GRID1: variants seen among roughly 807,000 people sequenced by gnomAD.
GRID1 encodes the protein glutamate receptor ionotropic, delta-1.
GRID1 carries 28 observed loss-of-function variants against 98.0 expected under a neutral mutation model. The ratio of observed to expected loss-of-function variants is 0.29; its 90% confidence interval spans 0.21 to 0.39. GRID1 has a LOEUF of 0.39. Among genes scored for constraint, GRID1 ranks in the 10% least tolerant of loss-of-function variants. GRID1 has a pLI of 1.00. For synonymous variants in GRID1, 553 were observed against 538.5 expected (o/e 1.03, Z -0.37); for missense variants, 1,111 against 1,340.5 (o/e 0.83, Z 2.67).
chr10:85,862,496 T>G (rs765966097), intron 6 of GRID1, among the ~76,000 whole-genome samples: 1 of 152,148 alleles, frequency 6.6e-6, no homozygotes, highest in Non-Finnish European at 1.5e-5. Flanking sequence ...TTCCCTGAGA[T>G]AGCAGGATCC....
At chr10:85,794,768 T>A (rs147311019) in intron 8 of GRID1, among the ~76,000 whole-genome samples, 1 of 152,192 alleles carries the variant, frequency 6.6e-6, no homozygotes, top group African/African-American at 2.4e-5. Context: ...GATGTGGAGA[T>A]AAGACCCTGC....
rs528295813 is a variant in GRID1, at chr10:86,156,275, C to T, written c.521-17251G>A. Among the ~76,000 whole-genome samples, 8 of 152,304 alleles carry T rather than the reference C, an allele frequency of 5.3e-5. No homozygotes were observed. The East Asian group carries it at 1.2e-3, about 22-fold the overall frequency. Reference sequence around the variant, plus strand: ...AATGACTCCTTATCCTGCTCCAATCCGATTTTATAGCTCTAGTGGGTGCTG... The same window carrying T: ...AATGACTCCTTATCCTGCTCCAATCTGATTTTATAGCTCTAGTGGGTGCTG... On this transcript the variant is annotated intron_variant, in intron 3 of 15. Transcript: ENST00000327946.
rs558599069 is a variant in GRID1, at chr10:86,286,145, G to T, written c.235+77796C>A. On this transcript the variant is annotated intron_variant, in intron 2 of 15. Transcript: ENST00000327946. ...TAGCCTGTAGGTATAGGTATAGGTA[G>T]AGAGAGGTATAGATGAGGCATAGAT... Among the ~76,000 whole-genome samples, 3 of 152,298 alleles carry T rather than the reference G, an allele frequency of 2.0e-5. No individual in the cohort carries two copies. In the South Asian group the frequency reaches 6.2e-4, roughly 32 times the overall value.
intron 4 of GRID1, among the ~76,000 whole-genome samples, chr10:86,088,629 TG>T (rs1844099548): frequency 6.6e-6 from 1 of 151,956 alleles, no homozygotes; most frequent in African/African-American, 2.4e-5. Context: ...CAGGCCAGAG[TG>T]GGGACTTCTG....
At chr10:85,766,730 T>TTGTGTGTGTGTGTGTGTG (rs35691322) in intron 8 of GRID1, among the ~76,000 whole-genome samples, 2 of 138,352 alleles carry the variant, frequency 1.4e-5, no homozygotes, top group Admixed American at 7.2e-5. Context: ...AGGCAGATGA[T>TTGTGTGTGTGTGTGTGTG]TGTGTGTGTG....
At chr10:86,145,646 C>T (rs1845079458) in intron 3 of GRID1, among the ~76,000 whole-genome samples, 2 of 152,154 alleles carry the variant, frequency 1.3e-5, no homozygotes, top group Non-Finnish European at 2.9e-5. Flanking sequence ...GTTCAAACTT[C>T]CCCTCTGAGG....
At chr10:86,246,945 T>C (rs1319477305) in intron 2 of GRID1, among the ~76,000 whole-genome samples, 1 of 152,270 alleles carries the variant, frequency 6.6e-6, no homozygotes, top group Non-Finnish European at 1.5e-5. Context: ...TCACTAAATA[T>C]GGCCCCATAA....
chr10:85,770,709 A>G (rs540144169), intron 8 of GRID1, among the ~76,000 whole-genome samples: 91 of 152,336 alleles, frequency 6.0e-4, no homozygotes, highest in African/African-American at 2.1e-3. Context: ...GCGATCAACT[A>G]GAAGAAAGGG....
intron 4 of GRID1, 139 bp downstream of exon 4, chr10:86,138,680 T>C: frequency 1.6e-6 from 1 of 641,502 alleles, no homozygotes; most frequent in South Asian, 1.9e-5. Flanking sequence ...ACAGGCTGAG[T>C]GCTGTGGGCC....
chr10:86,283,264 A>G (rs1349625310), intron 2 of GRID1, among the ~76,000 whole-genome samples: 1 of 152,146 alleles, frequency 6.6e-6, no homozygotes, highest in Admixed American at 6.5e-5. Flanking sequence ...CCCAGCCCCC[A>G]CACTATCCCT....
At chr10:85,742,102 T>C (rs1197112983) in intron 8 of GRID1, among the ~76,000 whole-genome samples, 1 of 152,232 alleles carries the variant, frequency 6.6e-6, no homozygotes, top group African/African-American at 2.4e-5. Context: ...AAAAGCACCT[T>C]CCACGATAGG....
At chr10:85,683,839 A>C (rs1395136575) in intron 12 of GRID1, among the ~76,000 whole-genome samples, 1 of 152,216 alleles carries the variant, frequency 6.6e-6, no homozygotes, top group African/African-American at 2.4e-5. Flanking sequence ...TCTTACAGAT[A>C]ATAATAGACA....
At chr10:86,295,648 A>C (rs895617227) in intron 2 of GRID1, among the ~76,000 whole-genome samples, 1 of 152,172 alleles carries the variant, frequency 6.6e-6, no homozygotes, top group Admixed American at 6.5e-5. Context: ...TGACGGCCAA[A>C]ACTGGTCACG....
At chr10:86,296,790 CAT>C (rs1847598784) in intron 2 of GRID1, among the ~76,000 whole-genome samples, 1 of 7,980 alleles carries the variant, frequency 1.3e-4, no homozygotes, top group African/African-American at 9.9e-4. Context: ...TACACACATA[CAT>C]ACATACATAC....
intron 8 of GRID1, among the ~76,000 whole-genome samples, chr10:85,776,469 C>G (rs1329202864): frequency 1.3e-5 from 2 of 152,168 alleles, no homozygotes; most frequent in African/African-American, 2.4e-5. Flanking sequence ...ACACGCAAGA[C>G]AGTGCCAGGG....
intron 4 of GRID1, among the ~76,000 whole-genome samples, chr10:85,986,631 C>T (rs1824649746): frequency 6.6e-6 from 1 of 152,152 alleles, no homozygotes. Flanking sequence ...CTGTGCCAGG[C>T]CCACAGAGGT....
In GRID1 at chr10:86,192,030, G is replaced by A. The variant is rs1845809971; in HGVS notation, c.520+14334C>T. 6.6e-6 allele frequency among the ~76,000 whole-genome samples: 1 copy of A among 152,170 alleles called. No homozygotes were observed. Among genetic ancestry groups the A allele is most frequent in the Non-Finnish European group, 1.5e-5 (1 of 68,038 alleles). On this transcript the variant is annotated intron_variant, in intron 3 of 15. Coordinates refer to ENST00000327946, the MANE Select transcript of GRID1 (RefSeq NM_017551.3). The surrounding 1 kb of genome is among the most constrained non-coding windows in gnomAD (Gnocchi z 4.8). ...TCTGAACTTGATCCTTAAGGAGAGG[G>A]GGAGACATTCAGGGGTCTAAGCAGG... is the stretch of plus-strand genomic sequence containing the variant.
intron 2 of GRID1, among the ~76,000 whole-genome samples, chr10:86,285,738 G>C (rs1847421941): frequency 6.6e-6 from 1 of 152,208 alleles, no homozygotes; most frequent in African/African-American, 2.4e-5. Context: ...GTAGGAATAG[G>C]AATAGGAGTA....
intron 2 of GRID1, among the ~76,000 whole-genome samples, chr10:86,302,478 A>T (rs560106112): frequency 6.6e-6 from 1 of 152,348 alleles, no homozygotes; most frequent in Non-Finnish European, 1.5e-5. Context: ...GCCTCTGCCT[A>T]CAACCTCACA....
Sources: allele counts gnomAD v4.1 joint callset (sites outside exome capture counted in the v4.1 genomes callset), GRCh38; gene constraint gnomAD v4.1.1; non-coding constraint Gnocchi (gnomAD v3.1); transcripts MANE v1.5; gene names NCBI Gene and HGNC (gene_info 2026-07-23, HGNC 2026-07-21).